Variants in CACNA1B observed in about 807,000 individuals in gnomAD.
CACNA1B encodes voltage-dependent N-type calcium channel subunit alpha-1B.
A neutral mutation model predicts 247.2 loss-of-function variants in CACNA1B; 70 were observed. The observed-to-expected ratio is 0.28, with a 90% CI of 0.23 to 0.35. The LOEUF (loss-of-function observed/expected upper bound fraction) is 0.35. Among genes scored for constraint, CACNA1B ranks in the 10% least tolerant of loss-of-function variants. CACNA1B has a pLI of 1.00. For missense variants in CACNA1B, 2,367 were observed against 3,197.4 expected (o/e 0.74, Z 6.26); for synonymous variants, 1,231 against 1,294.4 (o/e 0.95, Z 1.05).
At chr9:137,984,617 C>G (rs1180578747) in intron 13 of CACNA1B, among the ~76,000 whole-genome samples, 1 of 152,172 alleles carries the variant, frequency 6.6e-6, no homozygotes, top group African/African-American at 2.4e-5. Flanking sequence ...TTCCATCATC[C>G]AGCCCCCAAG....
chr9:137,955,297 C>T lies in CACNA1B; in HGVS notation c.1071-401C>T, dbSNP rs1221288235. 6.6e-6 allele frequency among the ~76,000 whole-genome samples: 1 copy of T among 152,192 alleles called. No individual in the cohort carries two copies. Among genetic ancestry groups the T allele is most frequent in the Non-Finnish European group, 1.5e-5 (1 of 68,030 alleles). On this transcript the variant is annotated intron_variant, in intron 7 of 46. Transcript: ENST00000371372. This position sits in a 1 kb window ranked among gnomAD's most constrained non-coding sequence, Gnocchi z 6.9. ...CTCTGGAGAATTCTCGCCAGGAGCT[C>T]TCTGGAGGACAGCAGATAACAGAGC...
At chr9:137,940,187 A>G (rs2133317780) in intron 6 of CACNA1B, among the ~76,000 whole-genome samples, 1 of 152,316 alleles carries the variant, frequency 6.6e-6, no homozygotes, top group African/African-American at 2.4e-5. Context: ...TTTAACCAAG[A>G]AAAAAAGAGA....
At chr9:138,115,225 C>T (rs766094984) in intron 41 of CACNA1B, among the ~76,000 whole-genome samples, 6 of 152,180 alleles carry the variant, frequency 3.9e-5, no homozygotes, top group South Asian at 2.1e-4. Context: ...ATATTGTTGC[C>T]ACCTGTAATC....
At chr9:137,963,091 C>T (rs565997452) in intron 10 of CACNA1B, among the ~76,000 whole-genome samples, 15 of 152,182 alleles carry the variant, frequency 9.9e-5, no homozygotes, top group Non-Finnish European at 2.1e-4. Context: ...ATATTTAGGA[C>T]ACTTAGCTCT....
chr9:137,928,845 T>C (rs1463633386), intron 6 of CACNA1B, among the ~76,000 whole-genome samples: 1 of 152,216 alleles, frequency 6.6e-6, no homozygotes, highest in Non-Finnish European at 1.5e-5. Flanking sequence ...TAGATTTGTC[T>C]ATTCCAGACA....
chr9:138,058,658 A>G lies in CACNA1B; in HGVS notation c.4398A>G (p.Thr1466=), dbSNP rs1959603446. 14 of 1,613,614 alleles carry G rather than the reference A, an allele frequency of 8.7e-6. No individual in the cohort carries two copies. Among genetic ancestry groups the G allele is most frequent in the Non-Finnish European group, 1.2e-5 (14 of 1,179,694 alleles). Residue 1466 remains threonine, a synonymous_variant, in exon 29 of 47, where the codon ACA becomes ACG. Transcript: ENST00000371372. The surrounding 1 kb of genome is among the most constrained non-coding windows in gnomAD (Gnocchi z 4.7). ...AGTCGTTCCAGTATAAGACGTGGAC[A>G]TTTGTGGTCTCCCCGCCCTTTGAAT... ...NRQSFQYKTW[T]FVVSPPFEYF...
chr9:137,879,937 G>T (rs1268917885), intron 2 of CACNA1B, among the ~76,000 whole-genome samples: 1 of 152,150 alleles, frequency 6.6e-6, no homozygotes, highest in Non-Finnish European at 1.5e-5. Context: ...TCTGGGTTCC[G>T]AGTGTGCCTA....
Position 138,020,366 on chromosome 9 carries a change from A to G in CACNA1B, c.2268-2645A>G, listed in dbSNP as rs1411828037. On this transcript the variant is annotated intron_variant, in intron 18 of 46. Coordinates refer to ENST00000371372, the MANE Select transcript of CACNA1B (RefSeq NM_000718.4). The surrounding 1 kb of genome is among the most constrained non-coding windows in gnomAD (Gnocchi z 4.1). ...AGTCGTCCATGTGACTTCCTTAAAG[A>G]ACCCTTTTAAACCAGGACTTTGCCT... 6.6e-6 allele frequency among the ~76,000 whole-genome samples: 1 copy of G among 152,158 alleles called. No individual in the cohort carries two copies.
rs1961299893 is a variant in CACNA1B at position 138,102,892 on chromosome 9, C to G, written c.5319+85C>G. 1.3e-6 allele frequency: 1 copy of G among 795,662 alleles called. No individual in the cohort carries two copies. The highest frequency in any genetic ancestry group is 1.7e-5 in the South Asian group (1 of 60,394). 49.3% of individuals were successfully genotyped at this position (795,662 alleles called of 1,614,324 possible). A position where few individuals can be genotyped will look rare whatever the true frequency, so the allele number is the denominator to read the frequency against. ...TTGCTGGCTCTCCCAGCTCCTCTCCCTTTCAGGGTGCCCGGCTGTCTGTCT... is the reference window on the plus strand; with the variant it reads ...TTGCTGGCTCTCCCAGCTCCTCTCCGTTTCAGGGTGCCCGGCTGTCTGTCT... On this transcript the variant is annotated intron_variant, in intron 38 of 46. Transcript: ENST00000371372. The surrounding 1 kb of genome is among the most constrained non-coding windows in gnomAD (Gnocchi z 5.4).
chr9:137,881,328 C>T lies in CACNA1B; in HGVS notation c.391-1416C>T, dbSNP rs2133218710. Among the ~76,000 whole-genome samples, 1 of 152,282 alleles carries T rather than the reference C, an allele frequency of 6.6e-6. No individual in the cohort carries two copies. Among genetic ancestry groups the T allele is most frequent in the South Asian group, 2.1e-4 (1 of 4,816 alleles). On this transcript the variant is annotated intron_variant, in intron 2 of 46. Coordinates refer to ENST00000371372, the MANE Select transcript of CACNA1B (RefSeq NM_000718.4). This position sits in a 1 kb window ranked among gnomAD's most constrained non-coding sequence, Gnocchi z 4.3. Reference sequence around the variant, plus strand: ...CAGGTACTGCCAGCCAAGCCTTGGGCCAGCTCCACCACAGGACAGGAGGAG... The same window carrying T: ...CAGGTACTGCCAGCCAAGCCTTGGGTCAGCTCCACCACAGGACAGGAGGAG...
chr9:138,025,872 A>G (rs1017637895), intron 20 of CACNA1B, among the ~76,000 whole-genome samples: 3 of 152,188 alleles, frequency 2.0e-5, no homozygotes, highest in African/African-American at 7.2e-5. Context: ...ATGGGCATCA[A>G]GGAGGAGCCC....
intron 6 of CACNA1B, among the ~76,000 whole-genome samples, chr9:137,942,212 A>G (rs1957740836): frequency 6.6e-6 from 1 of 152,256 alleles, no homozygotes; most frequent in Admixed American, 6.5e-5. Flanking sequence ...ATGGCCAACA[A>G]ACATGGAAAA....
chr9:137,952,621 G>T lies in CACNA1B; in HGVS notation c.1070+244G>T, dbSNP rs1227795668. On this transcript the variant is annotated intron_variant, in intron 7 of 46. Coordinates refer to ENST00000371372, the MANE Select transcript of CACNA1B (RefSeq NM_000718.4). The surrounding 1 kb of genome is among the most constrained non-coding windows in gnomAD (Gnocchi z 4.8). Reference sequence around the variant, plus strand: ...CCTTTCCGTGGTCTCTGCCATGGGAGAGTAGCTGCCACTACTCATCTGGGT... The same window carrying T: ...CCTTTCCGTGGTCTCTGCCATGGGATAGTAGCTGCCACTACTCATCTGGGT... 6.6e-6 allele frequency among the ~76,000 whole-genome samples: 1 copy of T among 152,122 alleles called. No homozygotes were observed. Among genetic ancestry groups the T allele is most frequent in the Non-Finnish European group, 1.5e-5 (1 of 68,032 alleles).
At chr9:138,028,185 G>A (rs1958945333) in intron 20 of CACNA1B, among the ~76,000 whole-genome samples, 1 of 151,782 alleles carries the variant, frequency 6.6e-6, no homozygotes, top group Non-Finnish European at 1.5e-5. Context: ...ACCACACCTG[G>A]CTAATTTTTG....
In CACNA1B at chr9:137,951,130, C is replaced by T. The variant is rs527958188; in HGVS notation, c.967-1144C>T. Among the ~76,000 whole-genome samples the T allele has an allele frequency of 1.6e-4, 25 of 152,338 alleles. No homozygotes were observed. In the South Asian group the frequency reaches 2.5e-3, roughly 15 times the overall value. ...TGGTGGCTTTGGTGGCCACTCAGTC[C>T]ACAGATCTGAGCTGCATGTGAGTCC... On this transcript the variant is annotated intron_variant, in intron 6 of 46. Coordinates refer to ENST00000371372, the MANE Select transcript of CACNA1B (RefSeq NM_000718.4).
Position 138,023,785 on chromosome 9 carries a change from A to C in CACNA1B, c.3042A>C (p.Glu1014Asp). 2.0e-6 allele frequency: 3 copies of C among 1,472,430 alleles called. No homozygotes were observed. The highest frequency in any genetic ancestry group is 2.8e-6 in the Non-Finnish European group (3 of 1,077,414). The allele number at this position is 1,472,430 out of a possible 1,614,324, so 91.2% of individuals were successfully genotyped here. A position where few individuals can be genotyped will look rare whatever the true frequency, so the allele number is the denominator to read the frequency against. The stretch of plus-strand genomic sequence containing the variant: ...CTGAGATAGTGGAAGCCGACAAGGA[A>C]AAGGAGCTCCGGAACCACCAGCCCC... ...KEAEIVEADKEKELRNHQPRE... is the reference protein window; with the variant it reads ...KEAEIVEADKDKELRNHQPRE... The change falls in exon 19 of 47, where the codon GAA becomes GAC. Residue 1014 changes from glutamate (E) to aspartate (D), a missense_variant. Physicochemically the swap from Glu to Asp is conservative, Grantham distance 45 (BLOSUM62 2). This residue lies in a region of CACNA1B where 631 missense variants were observed against 631.1 expected (regional missense o/e 1.00). Transcript: ENST00000371372.
chr9:137,901,736 C>G (rs1425044609), intron 3 of CACNA1B, among the ~76,000 whole-genome samples: 1 of 141,378 alleles, frequency 7.1e-6, no homozygotes, highest in Non-Finnish European at 1.5e-5. Context: ...GTTGCCCAGG[C>G]TAGAGTGCAG....
intron 15 of CACNA1B, among the ~76,000 whole-genome samples, chr9:137,995,212 C>CA (rs34306133): frequency 0.068 from 7,900 of 115,552 alleles, 697 homozygotes; most frequent in African/African-American, 0.23. Flanking sequence ...GACTCCGTCT[C>CA]AAAAAAAAAA....
intron 3 of CACNA1B, among the ~76,000 whole-genome samples, chr9:137,902,219 C>T (rs896455039): frequency 1.3e-5 from 2 of 152,124 alleles, no homozygotes; most frequent in Admixed American, 6.5e-5. Flanking sequence ...TCTCCATTAA[C>T]GTTTATTGAG....
Sources: gnomAD v4.1 joint callset for allele counts (sites outside exome capture counted in the v4.1 genomes callset) on GRCh38, gnomAD v4.1.1 for gene constraint, gnomAD v4.1.1 regional missense constraint, Gnocchi (gnomAD v3.1) non-coding constraint, MANE v1.5 for transcripts, NCBI Gene and HGNC (gene_info 2026-07-23, HGNC 2026-07-21) for gene names.